Variants in LINGO2 observed in about 807,000 individuals in gnomAD.
The protein encoded by LINGO2 is leucine-rich repeat and immunoglobulin-like domain-containing nogo receptor-interacting protein 2.
In LINGO2, 14 loss-of-function variants were observed where a neutral mutation model predicts 30.6. The observed-to-expected ratio is 0.46, with a 90% CI of 0.30 to 0.72. The LOEUF (loss-of-function observed/expected upper bound fraction) is 0.72. LINGO2 is among the 30% of genes least tolerant of loss of function. LINGO2 has a pLI of 0.07. For missense variants in LINGO2, 729 were observed against 751.7 expected (o/e 0.97, Z 0.35); for synonymous variants, 317 against 288.5 (o/e 1.10, Z -1.00).
chr9:28,699,094 CA>C, the LINGO2 span, among the ~76,000 whole-genome samples: 2 of 151,180 alleles, frequency 1.3e-5, no homozygotes, highest in Admixed American at 1.3e-4. Context: ...CGAACTGGTA[CA>C]ATTACTATGG....
chr9:28,694,207 T>C, the LINGO2 span, among the ~76,000 whole-genome samples: 1 of 151,928 alleles, frequency 6.6e-6, no homozygotes, highest in African/African-American at 2.4e-5. Context: ...AAGTAGAAAT[T>C]ATGATCCCAG....
chr9:29,189,388 G>C, the LINGO2 span, among the ~76,000 whole-genome samples: 17 of 149,538 alleles, frequency 1.1e-4, no homozygotes, highest in African/African-American at 4.2e-4. Context: ...GGCGGTTGCC[G>C]GGCAGAGGGT....
intron 4 of LINGO2, among the ~76,000 whole-genome samples, chr9:28,081,386 TAAC>T (rs1158460700): frequency 1.1e-4 from 16 of 152,010 alleles, no homozygotes; most frequent in Admixed American, 4.6e-4. Flanking sequence ...ATGAACCACT[TAAC>T]AATCCTCAAG....
At chr9:28,095,367 T>G (rs1826214173) in intron 4 of LINGO2, among the ~76,000 whole-genome samples, 1 of 151,988 alleles carries the variant, frequency 6.6e-6, no homozygotes, top group Non-Finnish European at 1.5e-5. Flanking sequence ...ATAATAAAGA[T>G]AAGCTTAAAA....
At chr9:28,643,034 G>T (rs1249062518) in intron 1 of LINGO2, among the ~76,000 whole-genome samples, 1 of 152,060 alleles carries the variant, frequency 6.6e-6, no homozygotes, top group Non-Finnish European at 1.5e-5. Flanking sequence ...GAAAGAAATT[G>T]AAGAGGACAC....
rs1204812794 is a variant in LINGO2 at position 27,950,857 on chromosome 9, T to G, written c.-35-151A>C. The G allele has an allele frequency of 1.2e-5, 5 of 413,832 alleles. No homozygotes were observed. The East Asian group carries it at 1.8e-4, about 15-fold the overall frequency. 25.6% of individuals were successfully genotyped at this position (413,832 alleles called of 1,614,324 possible). A position where few individuals can be genotyped will look rare whatever the true frequency, so the allele number is the denominator to read the frequency against. Reference sequence around the variant, plus strand: ...GCATAAACCTGATGGACGACCCTCTTAGTAACAGGTTCTTGGTCAAGTTAT... The same window carrying G: ...GCATAAACCTGATGGACGACCCTCTGAGTAACAGGTTCTTGGTCAAGTTAT... On this transcript the variant is annotated intron_variant, in intron 5 of 5. Coordinates refer to ENST00000379992, the Ensembl canonical transcript of LINGO2.
chr9:28,745,653 G>A, the LINGO2 span, among the ~76,000 whole-genome samples: 1 of 151,992 alleles, frequency 6.6e-6, no homozygotes, highest in African/African-American at 2.4e-5. Flanking sequence ...AGATTGATAT[G>A]TGCCATGGAC....
intron 4 of LINGO2, among the ~76,000 whole-genome samples, chr9:28,200,550 A>T (rs1475292625): frequency 6.6e-6 from 1 of 152,194 alleles, no homozygotes; most frequent in African/African-American, 2.4e-5. Context: ...ATACTTCTAA[A>T]TTACTTCTGA....
At chr9:28,556,848 C>G (rs1174702604) in intron 1 of LINGO2, among the ~76,000 whole-genome samples, 2 of 152,024 alleles carry the variant, frequency 1.3e-5, no homozygotes, top group African/African-American at 4.8e-5. Flanking sequence ...CACTGCATAT[C>G]TACAACTATC....
chr9:28,609,309 A>T (rs1187667168), intron 1 of LINGO2, among the ~76,000 whole-genome samples: 2 of 151,960 alleles, frequency 1.3e-5, no homozygotes, highest in Non-Finnish European at 2.9e-5. Flanking sequence ...ATGGTGGGTG[A>T]AAACACACTT....
At chr9:29,057,307 T>A in the LINGO2 span, among the ~76,000 whole-genome samples, 1 of 152,180 alleles carries the variant, frequency 6.6e-6, no homozygotes, top group African/African-American at 2.4e-5. Context: ...AATTTAAAAA[T>A]AAGTGGATGA....
At chr9:28,493,286 C>T (rs1826473475) in intron 1 of LINGO2, among the ~76,000 whole-genome samples, 1 of 152,156 alleles carries the variant, frequency 6.6e-6, no homozygotes, top group Non-Finnish European at 1.5e-5. Flanking sequence ...GAACTAAAAA[C>T]ACGATCATCT....
At chr9:28,883,293 C>G in the LINGO2 span, among the ~76,000 whole-genome samples, 2 of 151,964 alleles carry the variant, frequency 1.3e-5, no homozygotes, top group African/African-American at 4.8e-5. Flanking sequence ...CTCCCGGGTT[C>G]AAGTGATTCT....
the LINGO2 span, among the ~76,000 whole-genome samples, chr9:29,130,715 G>A: frequency 6.6e-6 from 1 of 152,012 alleles, no homozygotes; most frequent in Non-Finnish European, 1.5e-5. Flanking sequence ...CAACACACTG[G>A]GAATGAACCA....
the LINGO2 span, among the ~76,000 whole-genome samples, chr9:28,953,307 G>C: frequency 6.6e-6 from 1 of 152,174 alleles, no homozygotes; most frequent in East Asian, 1.9e-4. Context: ...TTATATCAGT[G>C]CTCAAACGTT....
At chr9:28,476,492 G>A (rs1046266235) in intron 1 of LINGO2, among the ~76,000 whole-genome samples, 1 of 152,020 alleles carries the variant, frequency 6.6e-6, no homozygotes, top group Non-Finnish European at 1.5e-5. Context: ...AGCCAGGATG[G>A]TCTCGATCTC....
At chr9:28,038,274 A>G (rs1441038628) in intron 4 of LINGO2, among the ~76,000 whole-genome samples, 10 of 152,160 alleles carry the variant, frequency 6.6e-5, no homozygotes. Context: ...CCACTATGAG[A>G]CCAGAAGGGG....
intron 2 of LINGO2, among the ~76,000 whole-genome samples, chr9:28,382,724 GT>G (rs1821402849): frequency 6.6e-6 from 1 of 152,082 alleles, no homozygotes; most frequent in Non-Finnish European, 1.5e-5. Flanking sequence ...TTTTTAGACA[GT>G]TGACATAACT....
chr9:28,022,913 T>C (rs1197914), intron 4 of LINGO2, among the ~76,000 whole-genome samples: 15 of 151,666 alleles, frequency 9.9e-5, no homozygotes, highest in Non-Finnish European at 2.1e-4. Context: ...CTATTGTGAC[T>C]TATCTTAAAA....
Sources: gnomAD v4.1 joint callset for allele counts (sites outside exome capture counted in the v4.1 genomes callset) on GRCh38, gnomAD v4.1.1 for gene constraint, MANE v1.5 for transcripts, NCBI Gene and HGNC (gene_info 2026-07-23, HGNC 2026-07-21) for gene names.